The following PAPLN variants were observed in gnomAD, a reference collection of about 807,000 sequenced individuals.
PAPLN encodes the protein papilin, proteoglycan like sulfated glycoprotein, also known as papilin.
PAPLN carries 146 observed loss-of-function variants against 159.0 expected under a neutral mutation model. That is an observed-to-expected ratio of 0.92 (90% CI 0.80 to 1.05). The LOEUF is 1.05. Among genes scored for constraint, PAPLN ranks in the 50% least tolerant of loss-of-function variants. PAPLN has a pLI of 0.00. For missense variants in PAPLN, 1,720 were observed against 1,743.9 expected, an observed-to-expected ratio of 0.99 and a Z score of 0.24; for synonymous variants, 734 against 702.9, an observed-to-expected ratio of 1.04 and a Z score of -0.70.
intron 2 of PAPLN, chr14:73,243,280 C>G (rs1247558289): frequency 6.6e-6 from 1 of 152,340 alleles, no homozygotes; most frequent in African/African-American, 2.4e-5. Context: ...AGGCATGAGC[C>G]ACCGTGCCCG....
rs1465302019 is a variant in PAPLN, at chr14:73,273,926, A to T, written c.*1262A>T. The stretch of plus-strand genomic sequence containing the variant: ...TGTTATCTGAGCATGAAAGAACTGG[A>T]AACGCTCCTTACGTCGAGATGTTGG... On this transcript the variant is annotated 3_prime_UTR_variant, in exon 27 of 27. Coordinates refer to ENST00000644200, the MANE Select transcript of PAPLN (RefSeq NM_001365906.3). 1.3e-5 allele frequency: 2 copies of T among 152,212 alleles called. No homozygotes were observed. Among genetic ancestry groups the T allele is most frequent in the Non-Finnish European group, 2.9e-5 (2 of 68,034 alleles). The allele number at this position is 152,212 out of a possible 1,614,324, so 9.4% of individuals were successfully genotyped here.
chr14:73,260,595 C>G (rs994684127), intron 16 of PAPLN, 114 bp from the exon 17 acceptor site: 14 of 1,313,876 alleles, frequency 1.1e-5, no homozygotes, highest in South Asian at 5.2e-5. Flanking sequence ...TCCTCTCCCC[C>G]CCAGGTCCCC....
intron 14 of PAPLN, among the ~76,000 whole-genome samples, chr14:73,256,532 CAAA>C (rs57667060): frequency 3.2e-5 from 3 of 92,744 alleles, no homozygotes; most frequent in African/African-American, 4.1e-5. Flanking sequence ...GACTCTGTCT[CAAA>C]AAAAAAAAAA....
At chr14:73,264,133 G>A (rs539707856) in intron 20 of PAPLN, 78 bp from the exon 21 acceptor site, 162 of 1,601,772 alleles carry the variant, frequency 1.0e-4, no homozygotes, top group Middle Eastern at 3.3e-4. Context: ...CCTCTGGCAC[G>A]AGCACCGAGG....
intron 1 of PAPLN, 25 bp from the exon 2 acceptor site, chr14:73,239,748 C>T (rs1176542341): frequency 4.5e-6 from 7 of 1,568,826 alleles, no homozygotes; most frequent in Middle Eastern, 3.6e-4. Context: ...CCCCGGGCCG[C>T]TCTAACCCAA....
intron 2 of PAPLN, 157 bp from the exon 3 acceptor site, chr14:73,244,487 C>T (rs1883965693): frequency 4.9e-6 from 3 of 610,242 alleles, no homozygotes; most frequent in African/African-American, 1.9e-5. Flanking sequence ...TTTTGGGGTG[C>T]CCGGCAGTGT....
chr14:73,244,488 C>T, intron 2 of PAPLN, 156 bp from the exon 3 acceptor site: 1 of 613,872 alleles, frequency 1.6e-6, no homozygotes. Flanking sequence ...TTTGGGGTGC[C>T]CGGCAGTGTT....
Position 73,239,218 on chromosome 14 carries a change from T to C in PAPLN, c.-6-555T>C, listed in dbSNP as rs558542794. On this transcript the variant is annotated intron_variant, in intron 1 of 26. Transcript: ENST00000644200. Reference sequence around the variant, plus strand: ...ACCACGCACACTGCACGGCGCACACTGCACTGCATACACACGTTGGTTATG... The same window carrying C: ...ACCACGCACACTGCACGGCGCACACCGCACTGCATACACACGTTGGTTATG... Among the ~76,000 whole-genome samples, 3 of 152,350 alleles carry C rather than the reference T, an allele frequency of 2.0e-5. No homozygotes were observed. In the East Asian group the frequency reaches 5.8e-4, roughly 29 times the overall value.
At position 73,272,737 on chromosome 14, in the gene PAPLN, C is replaced by A; in HGVS notation, c.*73C>A. 1 of 1,379,882 alleles carries A rather than the reference C, an allele frequency of 7.2e-7. No homozygotes were observed. The highest frequency in any genetic ancestry group is 9.6e-7 in the Non-Finnish European group (1 of 1,044,696). 85.5% of individuals were successfully genotyped at this position (1,379,882 alleles called of 1,614,324 possible). ...GGGAGAAAGGAAGATGGACTCTTGG[C>A]TTCCTCTCTCTGGCTGGCAAAGGGA... is the stretch of plus-strand genomic sequence containing the variant. On this transcript the variant is annotated 3_prime_UTR_variant, in exon 27 of 27. Coordinates refer to ENST00000644200, the MANE Select transcript of PAPLN (RefSeq NM_001365906.3).
upstream of PAPLN, among the ~76,000 whole-genome samples, chr14:73,236,534 A>C (rs931915364): frequency 6.6e-5 from 10 of 151,992 alleles, no homozygotes; most frequent in Non-Finnish European, 1.2e-4. Context: ...AAGAAGAAGA[A>C]GGCTGGGCGC....
chr14:73,256,926 T>C (rs1297506407), intron 14 of PAPLN, among the ~76,000 whole-genome samples: 1 of 151,918 alleles, frequency 6.6e-6, no homozygotes, highest in African/African-American at 2.4e-5. Context: ...AATAAGTAAA[T>C]ATTTCTAGGG....
intron 12 of PAPLN, among the ~76,000 whole-genome samples, chr14:73,254,223 G>A (rs1885628585): frequency 6.6e-6 from 1 of 152,200 alleles, no homozygotes; most frequent in South Asian, 2.1e-4. Flanking sequence ...TGGGGGCAAG[G>A]GAGGAGCTGG....
chr14:73,244,955 G>C lies in PAPLN; in HGVS notation c.170+196G>C, dbSNP rs536311199. The C allele has an allele frequency of 6.0e-6, 3 of 498,194 alleles. No homozygotes were observed. In the South Asian group the frequency reaches 7.7e-5, roughly 13 times the overall value. 30.9% of individuals were successfully genotyped at this position (498,194 alleles called of 1,614,324 possible). A position where few individuals can be genotyped will look rare whatever the true frequency, so the allele number is the denominator to read the frequency against. On this transcript the variant is annotated intron_variant, in intron 3 of 26. Transcript: ENST00000644200. ...CATTTCCCAGGGCCTTCCACTCTGA[G>C]CTGGAGCACGCGTGCTGCCTGTTGC... is the stretch of plus-strand genomic sequence containing the variant.
rs1053466217 is a variant in PAPLN, at chr14:73,262,606, C to T, written c.2502C>T (p.Gly834=). The change falls in exon 19 of 27, where the codon GGC becomes GGT. Residue 834 remains glycine, a synonymous_variant. Transcript: ENST00000644200. ...ATGGTGGCGGCAGCAGTCCTGCAGG[C>T]GAGCAGGAACCCAGCCAGCACAGGA... ...HTDGGGSSPA[G]EQEPSQHRTG... 4.2e-5 allele frequency: 65 copies of T among 1,551,676 alleles called. No individual in the cohort carries two copies. Among genetic ancestry groups the T allele is most frequent in the Middle Eastern group, 1.7e-4 (1 of 5,928 alleles).
At chr14:73,236,335 A>C (rs1883032928), upstream of PAPLN, among the ~76,000 whole-genome samples, 1 of 152,136 alleles carries the variant, frequency 6.6e-6, no homozygotes, top group Non-Finnish European at 1.5e-5. Context: ...AGCTGAGCAA[A>C]TCACAGCAAC....
At chr14:73,262,090 G>T in intron 18 of PAPLN, 1 of 435,768 alleles carries the variant, frequency 2.3e-6, no homozygotes, top group Non-Finnish European at 4.0e-6. Context: ...GGCCCAGGGA[G>T]CCCTGGCCCT....
chr14:73,238,283 G>C (rs1883185335), intron 1 of PAPLN, among the ~76,000 whole-genome samples: 1 of 152,234 alleles, frequency 6.6e-6, no homozygotes, highest in Non-Finnish European at 1.5e-5. Context: ...CGTTCCCCGG[G>C]AACAACACGT....
At chr14:73,255,356 T>C (rs1885783223) in intron 14 of PAPLN, among the ~76,000 whole-genome samples, 1 of 152,204 alleles carries the variant, frequency 6.6e-6, no homozygotes, top group Non-Finnish European at 1.5e-5. Context: ...TATAAGCTTC[T>C]TGAGGACTGG....
At chr14:73,270,210 G>T (rs1007579467) in intron 26 of PAPLN, among the ~76,000 whole-genome samples, 7 of 152,208 alleles carry the variant, frequency 4.6e-5, no homozygotes, top group African/African-American at 1.7e-4. Flanking sequence ...GGCCGGGCAG[G>T]CTGCGCTCCG....
Sources: allele counts gnomAD v4.1 joint callset (sites outside exome capture counted in the v4.1 genomes callset), GRCh38; gene constraint gnomAD v4.1.1; transcripts MANE v1.5; gene names NCBI Gene and HGNC (gene_info 2026-07-23, HGNC 2026-07-21).